Variants in ATRNL1 observed in about 807,000 individuals in gnomAD.
The protein encoded by ATRNL1 is attractin like 1, also known as attractin-like protein 1.
In ATRNL1, 95 loss-of-function variants were observed where a neutral mutation model predicts 182.7. The observed-to-expected ratio is 0.52, with a 90% CI of 0.44 to 0.62. The LOEUF is 0.62. ATRNL1 is among the 20% of genes least tolerant of loss of function. The pLI is 0.00. For synonymous variants in ATRNL1, 576 were observed against 568.3 expected (o/e 1.01, Z -0.19); for missense variants, 1,471 against 1,679.5 (o/e 0.88, Z 2.17).
intron 5 of ATRNL1, among the ~76,000 whole-genome samples, chr10:115,143,723 C>T (rs1554878627): frequency 1.3e-5 from 2 of 151,664 alleles, no homozygotes; most frequent in African/African-American, 2.4e-5. Flanking sequence ...CAAGAGAGAG[C>T]CAGAGAGAGA....
chr10:115,886,214 C>T (rs1951941225), intron 28 of ATRNL1, among the ~76,000 whole-genome samples: 1 of 152,136 alleles, frequency 6.6e-6, no homozygotes, highest in Admixed American at 6.5e-5. Context: ...AGCAGAGATA[C>T]ATCAAACTCA....
chr10:115,635,593 A>C (rs1352538401), intron 26 of ATRNL1, among the ~76,000 whole-genome samples: 1 of 152,188 alleles, frequency 6.6e-6, no homozygotes, highest in Non-Finnish European at 1.5e-5. Context: ...AAAGCTGAGT[A>C]TATGGATACC....
Position 115,406,694 on chromosome 10 carries a change from A to T in ATRNL1, c.3269+11942A>T, listed in dbSNP as rs190625786. Among the ~76,000 whole-genome samples the T allele has an allele frequency of 1.3e-4, 20 of 152,124 alleles. No homozygotes were observed. The East Asian group carries it at 3.9e-3, about 29-fold the overall frequency. On this transcript the variant is annotated intron_variant, in intron 20 of 28. Transcript: ENST00000355044. ...TCTTTTTATGATGTAGTATTATCTC[A>T]AGTTTCTTGTGATTTTTCTGCTGGA...
intron 26 of ATRNL1, among the ~76,000 whole-genome samples, chr10:115,580,173 C>G (rs1555006748): frequency 1.3e-5 from 2 of 151,974 alleles, no homozygotes. Context: ...TCTTTCTGTT[C>G]CTATATGTTT....
intron 26 of ATRNL1, among the ~76,000 whole-genome samples, chr10:115,589,701 TA>T (rs782084559): frequency 2.0e-5 from 3 of 152,218 alleles, no homozygotes; most frequent in Non-Finnish European, 2.9e-5. Flanking sequence ...CAAATCTCAT[TA>T]ATTTTGATTG....
intron 26 of ATRNL1, among the ~76,000 whole-genome samples, chr10:115,583,424 C>A (rs368017086): frequency 9.3e-6 from 1 of 107,730 alleles, no homozygotes; most frequent in African/African-American, 2.8e-5. Context: ...CTTTTATTTC[C>A]TTGAGCAGTG....
At chr10:115,898,527 G>A (rs188582888) in intron 28 of ATRNL1, among the ~76,000 whole-genome samples, 16 of 152,264 alleles carry the variant, frequency 1.1e-4, no homozygotes, top group African/African-American at 3.4e-4. Context: ...TGCTGTATGA[G>A]CAGTGCACTG....
chr10:115,748,454 A>T (rs1555069746), intron 27 of ATRNL1, among the ~76,000 whole-genome samples: 1 of 150,982 alleles, frequency 6.6e-6, no homozygotes, highest in Admixed American at 6.6e-5. Flanking sequence ...TTTTCTTTAC[A>T]TAAATAAATC....
rs1448192090 is a variant in ATRNL1, at chr10:115,623,736, A to G, written c.3795+74200A>G. On this transcript the variant is annotated intron_variant, in intron 26 of 28. Transcript: ENST00000355044. ...TGAGAGAGACTGGCTAGATTATTAA[A>G]TAGATGAAAGAGAAGGTATACATAA... Among the ~76,000 whole-genome samples the G allele has an allele frequency of 2.6e-5, 4 of 152,178 alleles. No individual in the cohort carries two copies. The East Asian group carries it at 7.7e-4, about 29-fold the overall frequency.
intron 9 of ATRNL1, among the ~76,000 whole-genome samples, chr10:115,227,393 AAAC>A (rs199835338): frequency 1.6e-3 from 245 of 152,218 alleles, no homozygotes; most frequent in African/African-American, 5.6e-3. Flanking sequence ...TTAAAAAGTA[AAAC>A]AACAACAACA....
intron 28 of ATRNL1, among the ~76,000 whole-genome samples, chr10:115,928,219 C>T (rs1314593543): frequency 4.0e-5 from 6 of 151,892 alleles, no homozygotes; most frequent in African/African-American, 1.2e-4. Context: ...AGTTTGGTTT[C>T]TTTATGATTA....
chr10:115,681,845 T>C (rs782607011), intron 26 of ATRNL1, among the ~76,000 whole-genome samples: 2 of 152,282 alleles, frequency 1.3e-5, no homozygotes, highest in African/African-American at 2.4e-5. Context: ...CTGCTCTTGG[T>C]TATATTGGTA....
chr10:115,201,586 C>G (rs1554892414), intron 8 of ATRNL1, among the ~76,000 whole-genome samples: 1 of 152,086 alleles, frequency 6.6e-6, no homozygotes, highest in South Asian at 2.1e-4. Flanking sequence ...TTCCATTGAT[C>G]TATATCTCTG....
chr10:115,800,220 CAAA>C (rs879958061), intron 27 of ATRNL1, among the ~76,000 whole-genome samples: 1 of 101,274 alleles, frequency 9.9e-6, no homozygotes, highest in South Asian at 3.3e-4. Context: ...AACTCCATCT[CAAA>C]AAAAAAAAAA....
intron 13 of ATRNL1, among the ~76,000 whole-genome samples, chr10:115,274,850 G>A (rs534276121): frequency 1.3e-5 from 2 of 152,280 alleles, no homozygotes; most frequent in African/African-American, 2.4e-5. Context: ...AATTGCCCAA[G>A]CAATGAAACC....
intron 19 of ATRNL1, among the ~76,000 whole-genome samples, chr10:115,354,098 G>T (rs1350238064): frequency 6.6e-6 from 1 of 152,070 alleles, no homozygotes; most frequent in African/African-American, 2.4e-5. Context: ...TTTGAATATG[G>T]CCCAACACAA....
At chr10:115,926,118 A>C (rs1953223232) in intron 28 of ATRNL1, among the ~76,000 whole-genome samples, 1 of 152,200 alleles carries the variant, frequency 6.6e-6, no homozygotes, top group Non-Finnish European at 1.5e-5. Context: ...TCAAAACTGC[A>C]CAACTACATG....
chr10:115,338,991 G>C (rs576252643), intron 19 of ATRNL1, among the ~76,000 whole-genome samples: 1 of 152,206 alleles, frequency 6.6e-6, no homozygotes, highest in South Asian at 2.1e-4. Context: ...CTTTTCCCCA[G>C]TATATGTTCT....
At chr10:115,853,073 C>T (rs561517920) in intron 28 of ATRNL1, among the ~76,000 whole-genome samples, 34 of 152,120 alleles carry the variant, frequency 2.2e-4, no homozygotes, top group African/African-American at 7.7e-4. Flanking sequence ...ATGATGGGGT[C>T]GGGTTAGATT....
Sources: gnomAD v4.1 joint callset for allele counts (sites outside exome capture counted in the v4.1 genomes callset) on GRCh38, gnomAD v4.1.1 for gene constraint, MANE v1.5 for transcripts, NCBI Gene and HGNC (gene_info 2026-07-23, HGNC 2026-07-21) for gene names.